Variants in CAMKMT observed in about 807,000 individuals in gnomAD.
CAMKMT encodes the protein CaM KMT.
In CAMKMT, 53 loss-of-function variants were observed where a neutral mutation model predicts 48.0. The observed-to-expected ratio is 1.10, with a 90% CI of 0.89 to 1.39. The LOEUF is 1.39. CAMKMT is among the 40% of genes most tolerant of loss of function. The pLI is 0.00. For missense variants in CAMKMT, 428 were observed against 402.7 expected, an observed-to-expected ratio of 1.06 and a Z score of -0.54; for synonymous variants, 165 against 152.3, an observed-to-expected ratio of 1.08 and a Z score of -0.61.
intron 6 of CAMKMT, 67 bp from the exon 7 acceptor site, chr2:44,715,220 G>A (rs908991276): frequency 2.2e-6 from 2 of 903,370 alleles, no homozygotes; most frequent in Admixed American, 2.5e-5. Flanking sequence ...AAAGATAACT[G>A]TTTCTGGACC....
chr2:44,655,575 C>T (rs187816960), intron 3 of CAMKMT, among the ~76,000 whole-genome samples: 1 of 152,176 alleles, frequency 6.6e-6, no homozygotes, highest in African/African-American at 2.4e-5. Context: ...ACCATCTGAA[C>T]TTATCTCCTA....
chr2:44,531,654 T>C (rs1179850097), intron 3 of CAMKMT, among the ~76,000 whole-genome samples: 14 of 152,182 alleles, frequency 9.2e-5, no homozygotes, highest in Admixed American at 9.2e-4. Context: ...TTTTATCTTT[T>C]AAGTAAATAA....
chr2:44,667,836 G>A (rs1385358604), intron 3 of CAMKMT, among the ~76,000 whole-genome samples: 17 of 152,112 alleles, frequency 1.1e-4, no homozygotes, highest in Admixed American at 3.9e-4. Context: ...CACCGTTTAC[G>A]TTTTTCATTG....
chr2:44,363,451 C>T (rs1678207312), intron 1 of CAMKMT, among the ~76,000 whole-genome samples: 1 of 151,744 alleles, frequency 6.6e-6, no homozygotes, highest in African/African-American at 2.4e-5. Context: ...CATCTCCGCT[C>T]ACCACAACCT....
At chr2:44,418,609 A>T (rs1291494426) in intron 3 of CAMKMT, among the ~76,000 whole-genome samples, 4 of 152,148 alleles carry the variant, frequency 2.6e-5, no homozygotes, top group African/African-American at 9.7e-5. Context: ...TCCATCTTTT[A>T]TGCCAATGGC....
At chr2:44,747,279 A>AT (rs1679960798) in intron 8 of CAMKMT, among the ~76,000 whole-genome samples, 1 of 152,150 alleles carries the variant, frequency 6.6e-6, no homozygotes, top group Non-Finnish European at 1.5e-5. Flanking sequence ...TTTTAAGCTG[A>AT]TTTTGTGAAA....
At chr2:44,490,380 A>G (rs1361784794) in intron 3 of CAMKMT, among the ~76,000 whole-genome samples, 4 of 152,136 alleles carry the variant, frequency 2.6e-5, no homozygotes, top group Admixed American at 1.3e-4. Flanking sequence ...GGTTCAAGTG[A>G]TTCTCCTGCC....
At chr2:44,677,453 C>G (rs986230627) in intron 3 of CAMKMT, among the ~76,000 whole-genome samples, 4 of 152,198 alleles carry the variant, frequency 2.6e-5, no homozygotes, top group African/African-American at 9.7e-5. Flanking sequence ...CATCAGCAGT[C>G]TGTACTCAGG....
intron 2 of CAMKMT, among the ~76,000 whole-genome samples, chr2:44,376,894 C>T (rs1679752553): frequency 6.6e-6 from 1 of 152,124 alleles, no homozygotes; most frequent in African/African-American, 2.4e-5. Context: ...CTTTGTCTAC[C>T]TGTGGATGGT....
chr2:44,538,589 A>T (rs184929738), intron 3 of CAMKMT, among the ~76,000 whole-genome samples: 1 of 152,220 alleles, frequency 6.6e-6, no homozygotes, highest in Admixed American at 6.5e-5. Flanking sequence ...GCAAAGATAC[A>T]GAGTGATATA....
intron 3 of CAMKMT, among the ~76,000 whole-genome samples, chr2:44,558,006 A>C (rs1368608570): frequency 6.6e-6 from 1 of 152,030 alleles, no homozygotes; most frequent in African/African-American, 2.4e-5. Context: ...ATCAACTGCA[A>C]TACTATTGTG....
intron 3 of CAMKMT, among the ~76,000 whole-genome samples, chr2:44,447,353 G>A (rs1452284666): frequency 6.6e-6 from 1 of 152,150 alleles, no homozygotes; most frequent in African/African-American, 2.4e-5. Context: ...GGTAAGAGCT[G>A]TATTTTGTAT....
intron 8 of CAMKMT, among the ~76,000 whole-genome samples, chr2:44,750,414 C>T (rs766164431): frequency 2.6e-5 from 4 of 152,174 alleles, no homozygotes; most frequent in African/African-American, 4.8e-5. Flanking sequence ...ACCTTGGTCT[C>T]CCAAAGTGCT....
chr2:44,670,860 C>CA (rs1447087238), intron 3 of CAMKMT, among the ~76,000 whole-genome samples: 2 of 152,054 alleles, frequency 1.3e-5, no homozygotes, highest in Non-Finnish European at 2.9e-5. Flanking sequence ...CATCTTTCGC[C>CA]AATCCTCTCT....
At chr2:44,391,890 T>G (rs1681378161) in intron 3 of CAMKMT, 1 of 152,762 alleles carries the variant, frequency 6.5e-6, no homozygotes. Context: ...GGTAGAAAGG[T>G]TTAAGACTTT....
chr2:44,706,093 C>T (rs1203626739), intron 4 of CAMKMT, among the ~76,000 whole-genome samples, 194 bp from the exon 5 acceptor site: 1 of 152,120 alleles, frequency 6.6e-6, no homozygotes, highest in Non-Finnish European at 1.5e-5. Context: ...ACTGATTTGC[C>T]TGCTTTGTGA....
At chr2:44,555,413 G>A (rs1667953841) in intron 3 of CAMKMT, among the ~76,000 whole-genome samples, 1 of 152,186 alleles carries the variant, frequency 6.6e-6, no homozygotes, top group Admixed American at 6.5e-5. Context: ...TATTGCTGAA[G>A]CAGGGACTAC....
At chr2:44,467,756 A>C (rs770862036) in intron 3 of CAMKMT, among the ~76,000 whole-genome samples, 2 of 152,198 alleles carry the variant, frequency 1.3e-5, no homozygotes, top group Non-Finnish European at 2.9e-5. Flanking sequence ...GTTGAGGGGA[A>C]GGACAGTCTC....
intron 9 of CAMKMT, among the ~76,000 whole-genome samples, chr2:44,754,896 T>A (rs1267027640): frequency 6.6e-6 from 1 of 151,430 alleles, no homozygotes; most frequent in Non-Finnish European, 1.5e-5. Flanking sequence ...TGCTGTGCCA[T>A]AGGAGTTTAA....
Sources: allele counts gnomAD v4.1 joint callset (sites outside exome capture counted in the v4.1 genomes callset), GRCh38; gene constraint gnomAD v4.1.1; transcripts MANE v1.5; gene names NCBI Gene and HGNC (gene_info 2026-07-23, HGNC 2026-07-21).